HVCN1: variants seen among roughly 807,000 people sequenced by gnomAD.
HVCN1 encodes voltage-gated hydrogen channel 1.
Under a neutral mutation model 29.2 loss-of-function variants are expected in HVCN1, and 14 were observed. The observed-to-expected ratio is 0.48, with a 90% CI of 0.32 to 0.75. The LOEUF (loss-of-function observed/expected upper bound fraction) is 0.75. HVCN1 is among the 30% of genes least tolerant of loss of function. HVCN1 has a pLI of 0.04. For synonymous variants in HVCN1, 131 were observed against 133.2 expected (o/e 0.98, Z 0.11); for missense variants, 263 against 341.8 (o/e 0.77, Z 1.82).
chr12:110,695,764 G>A (rs2069479517), intron 2 of HVCN1, among the ~76,000 whole-genome samples: 1 of 152,306 alleles, frequency 6.6e-6, no homozygotes, highest in East Asian at 1.9e-4. Context: ...CATGTGCGAA[G>A]GGCCTGAGGT....
chr12:110,653,310 A>G (rs1026920589), intron 5 of HVCN1, among the ~76,000 whole-genome samples: 2 of 152,062 alleles, frequency 1.3e-5, no homozygotes, highest in Non-Finnish European at 2.9e-5. Flanking sequence ...AAATTTAAAA[A>G]TTAGCTGGGT....
In HVCN1 at chr12:110,661,555, T is replaced by A; in HGVS notation, c.22-107A>T. 1.0e-6 allele frequency: 1 copy of A among 1,002,250 alleles called. No individual in the cohort carries two copies. The highest frequency in any genetic ancestry group is 1.5e-6 in the Non-Finnish European group (1 of 683,062). 62.1% of individuals were successfully genotyped at this position (1,002,250 alleles called of 1,614,324 possible). A position where few individuals can be genotyped will look rare whatever the true frequency, so the allele number is the denominator to read the frequency against. On this transcript the variant is annotated intron_variant, in intron 3 of 7. Transcript: ENST00000242607. The surrounding 1 kb of genome is among the most constrained non-coding windows in gnomAD (Gnocchi z 6.2). ...GCAGGTGAAGATGGTCCCGGGTGCG[T>A]AGAACCCCCTGCAAGCAGAGACCAT...
rs76006664 is a variant in HVCN1, at chr12:110,661,198, A to G, written c.272T>C (p.Met91Thr). 9.1e-3 allele frequency: 14,614 copies of G among 1,612,334 alleles called. 74 individuals are homozygous for G. Among genetic ancestry groups the G allele is most frequent in the Non-Finnish European group, 0.01 (11,926 of 1,178,732 alleles). Residue 91 changes from methionine to threonine, a missense_variant, in exon 4 of 8, where the codon ATG becomes ACG. Coordinates refer to ENST00000242607, the MANE Select transcript of HVCN1 (RefSeq NM_032369.4). The surrounding 1 kb of genome is among the most constrained non-coding windows in gnomAD (Gnocchi z 6.2). ...APRAPLDFRGMLRKLFSSHRF... is the reference protein window; with the variant it reads ...APRAPLDFRGTLRKLFSSHRF... ...GTGGGAGCTGAACAGTTTCCTCAAC[A>G]TGCCCCTGAAGTCAAGGGGGGCCCT...
intron 1 of HVCN1, 82 bp downstream of exon 1, chr12:110,688,998 C>T (rs2069311787): frequency 6.6e-6 from 1 of 152,454 alleles, no homozygotes; most frequent in South Asian, 2.1e-4. Context: ...CCCCTCTTCT[C>T]GGAAGGATCG....
intron 2 of HVCN1, among the ~76,000 whole-genome samples, chr12:110,695,618 A>AG (rs1279467534): frequency 6.6e-6 from 1 of 152,226 alleles, no homozygotes; most frequent in African/African-American, 2.4e-5. Context: ...CAAAAGGTGG[A>AG]GACTGAGATG....
chr12:110,663,139 C>T (rs907817280), intron 3 of HVCN1, among the ~76,000 whole-genome samples: 2 of 152,162 alleles, frequency 1.3e-5, no homozygotes, highest in African/African-American at 2.4e-5. Context: ...AAGACAGAAA[C>T]AGGCACCAGC....
intron 2 of HVCN1, among the ~76,000 whole-genome samples, chr12:110,698,925 C>T (rs2069532787): frequency 1.3e-5 from 2 of 152,178 alleles, no homozygotes; most frequent in South Asian, 2.1e-4. Flanking sequence ...GCCAGGAGTT[C>T]GAGACCAACC....
intron 2 of HVCN1, among the ~76,000 whole-genome samples, chr12:110,687,008 A>G (rs2069207851): frequency 6.6e-6 from 1 of 152,216 alleles, no homozygotes; most frequent in African/African-American, 2.4e-5. Flanking sequence ...GGGAGGGATA[A>G]TTCTGAAGTC....
chr12:110,651,117 A>G, intron 6 of HVCN1, 100 bp downstream of exon 6: 1 of 814,480 alleles, frequency 1.2e-6, no homozygotes, highest in Non-Finnish European at 2.0e-6. Context: ...AACAGGAGCC[A>G]CTGTGAGCTC....
chr12:110,704,389 C>G (rs2069587848), intron 1 of HVCN1, among the ~76,000 whole-genome samples: 1 of 152,044 alleles, frequency 6.6e-6, no homozygotes. Context: ...TGGCTCACGC[C>G]TGTAATCACA....
At chr12:110,692,898 CT>C (rs2069433432), upstream of HVCN1, among the ~76,000 whole-genome samples, 1 of 152,126 alleles carries the variant, frequency 6.6e-6, no homozygotes, top group Non-Finnish European at 1.5e-5. Flanking sequence ...CAGGGTCTCA[CT>C]TTGTTGCTCA....
chr12:110,656,813 T>G (rs746418098), intron 4 of HVCN1, among the ~76,000 whole-genome samples: 1 of 152,244 alleles, frequency 6.6e-6, no homozygotes, highest in Non-Finnish European at 1.5e-5. Flanking sequence ...GCAAATTGCT[T>G]TGTAATGAAG....
rs1593440322 is a variant in HVCN1 at position 110,655,156 on chromosome 12, T to C, written c.411+78A>G. ...CTACTCCAAGTGGGGTGTCAGCTGC[T>C]CCACTCTGCACCCCGTCTGTGCAGA... On this transcript the variant is annotated intron_variant, in intron 5 of 7. Transcript: ENST00000242607. 2.8e-6 allele frequency: 3 copies of C among 1,065,424 alleles called. No homozygotes were observed. In the East Asian group the frequency reaches 7.2e-5, roughly 26 times the overall value. 66.0% of individuals were successfully genotyped at this position (1,065,424 alleles called of 1,614,324 possible). A position where few individuals can be genotyped will look rare whatever the true frequency, so the allele number is the denominator to read the frequency against.
chr12:110,667,380 C>T (rs1273961973), intron 3 of HVCN1, among the ~76,000 whole-genome samples: 2 of 152,148 alleles, frequency 1.3e-5, no homozygotes, highest in South Asian at 2.1e-4. Flanking sequence ...GTGATCCGCC[C>T]GCCTCTGCCT....
upstream of HVCN1, among the ~76,000 whole-genome samples, chr12:110,690,481 C>A (rs889895950): frequency 6.6e-6 from 1 of 152,062 alleles, no homozygotes; most frequent in Non-Finnish European, 1.5e-5. Flanking sequence ...GCTTTCTTTT[C>A]TTTTTTCTTT....
intron 2 of HVCN1, among the ~76,000 whole-genome samples, chr12:110,700,568 A>G (rs2069554302): frequency 6.6e-6 from 1 of 152,160 alleles, no homozygotes; most frequent in South Asian, 2.1e-4. Context: ...GAGGCAACTC[A>G]TTGTACTTGG....
At chr12:110,689,938 G>C (rs1251329798), upstream of HVCN1, 3 of 152,394 alleles carry the variant, frequency 2.0e-5, no homozygotes, top group Non-Finnish European at 4.4e-5. This position sits in a 1 kb window ranked among gnomAD's most constrained non-coding sequence, Gnocchi z 5.7. Context: ...TCTCCCTTCC[G>C]GTTGAGTCGG....
At chr12:110,698,504 C>G (rs2069527190) in intron 2 of HVCN1, among the ~76,000 whole-genome samples, 1 of 152,222 alleles carries the variant, frequency 6.6e-6, no homozygotes. Context: ...GCTTCCGCAG[C>G]CGCTGCAGCA....
At chr12:110,657,444 G>A (rs1458921429) in intron 4 of HVCN1, among the ~76,000 whole-genome samples, 1 of 150,226 alleles carries the variant, frequency 6.7e-6, no homozygotes, top group Non-Finnish European at 1.5e-5. Context: ...GCAGTGAGCC[G>A]AGATCGCACC....
Sources: allele counts gnomAD v4.1 joint callset (sites outside exome capture counted in the v4.1 genomes callset), GRCh38; gene constraint gnomAD v4.1.1; non-coding constraint Gnocchi (gnomAD v3.1); transcripts MANE v1.5; gene names NCBI Gene and HGNC (gene_info 2026-07-23, HGNC 2026-07-21).